ZDHHC2: variants seen among roughly 807,000 people sequenced by gnomAD.
ZDHHC2 encodes zDHHC palmitoyltransferase 2.
Under a neutral mutation model 55.6 loss-of-function variants are expected in ZDHHC2, and 51 were observed. That is an observed-to-expected ratio of 0.92 (90% CI 0.73 to 1.16). The LOEUF (loss-of-function observed/expected upper bound fraction) is 1.16, where lower values mean the gene tolerates loss of function less well. Ranked by LOEUF, ZDHHC2 falls within the 50% of genes most tolerant of loss-of-function variation. The probability of loss-of-function intolerance (pLI) is 0.00; values close to 1 mark genes in which losing one functional copy is unlikely to be tolerated. For synonymous variants in ZDHHC2, 199 were observed against 152.9 expected (o/e 1.30, Z -2.22); for missense variants, 491 against 442.4 (o/e 1.11, Z -0.99).
chr8:17,174,244 A>T (rs944433213), intron 1 of ZDHHC2, among the ~76,000 whole-genome samples: 9 of 152,070 alleles, frequency 5.9e-5, no homozygotes, highest in African/African-American at 2.2e-4. Context: ...GCATGCCACG[A>T]TGCCCTGCTA....
intron 10 of ZDHHC2, among the ~76,000 whole-genome samples, chr8:17,213,970 AT>A (rs1282041717): frequency 4.6e-5 from 7 of 152,208 alleles, no homozygotes; most frequent in Non-Finnish European, 8.8e-5. Flanking sequence ...ATATTCTAAA[AT>A]TTTAGATATG....
Position 17,221,258 on chromosome 8 carries a change from A to C in ZDHHC2, c.*1037A>C, listed in dbSNP as rs1264648052. 6.6e-6 allele frequency: 1 copy of C among 152,574 alleles called. No homozygotes were observed. Among genetic ancestry groups the C allele is most frequent in the Non-Finnish European group, 1.5e-5 (1 of 67,996 alleles). 9.5% of individuals were successfully genotyped at this position (152,574 alleles called of 1,614,324 possible). A position where few individuals can be genotyped will look rare whatever the true frequency, so the allele number is the denominator to read the frequency against. ...AAATAAAAATCATACAACTTTTGGA[A>C]AGTTAGTTCAACATGAACTAAAATG... is the stretch of plus-strand genomic sequence containing the variant. On this transcript the variant is annotated 3_prime_UTR_variant, in exon 13 of 13. Transcript: ENST00000262096.
chr8:17,164,203 C>A (rs1198697749), intron 1 of ZDHHC2, among the ~76,000 whole-genome samples: 1 of 152,096 alleles, frequency 6.6e-6, no homozygotes, highest in Non-Finnish European at 1.5e-5. Flanking sequence ...TTTATCTGGC[C>A]ATGACTTTTA....
At chr8:17,194,023 T>A (rs992636163) in intron 3 of ZDHHC2, among the ~76,000 whole-genome samples, 3 of 152,116 alleles carry the variant, frequency 2.0e-5, no homozygotes, top group African/African-American at 7.2e-5. Flanking sequence ...CAGTGTTTGG[T>A]TTTCTGTTCT....
chr8:17,173,124 G>C (rs141428630), intron 1 of ZDHHC2, among the ~76,000 whole-genome samples: 19 of 152,288 alleles, frequency 1.2e-4, no homozygotes, highest in East Asian at 3.9e-4. Context: ...CAAGAACTGA[G>C]AGAAAGCAAG....
chr8:17,197,698 T>C lies in ZDHHC2; in HGVS notation c.443+47T>C, dbSNP rs1438912175. The C allele has an allele frequency of 5.2e-6, 8 of 1,529,252 alleles. No individual in the cohort carries two copies. In the African/African-American group the frequency reaches 1.1e-4, roughly 21 times the overall value. 94.7% of individuals were successfully genotyped at this position (1,529,252 alleles called of 1,614,324 possible). ...AAAATATCTACATGCTGGTGGTCTT[T>C]TTCTTCATTATGTTTCTTTTCTCAC... On this transcript the variant is annotated intron_variant, in intron 5 of 12. Coordinates refer to ENST00000262096, the MANE Select transcript of ZDHHC2 (RefSeq NM_016353.5).
At chr8:17,198,481 C>A in intron 6 of ZDHHC2, 68 bp downstream of exon 6, 1 of 1,422,838 alleles carries the variant, frequency 7.0e-7, no homozygotes, top group Non-Finnish European at 9.5e-7. Flanking sequence ...ATCACTTATC[C>A]ATGTAAATCT....
At chr8:17,210,574 C>T in intron 10 of ZDHHC2, 94 bp downstream of exon 10, 2 of 1,078,038 alleles carry the variant, frequency 1.9e-6, no homozygotes, top group Non-Finnish European at 2.6e-6. Flanking sequence ...AAAATGAAGA[C>T]CATAAGAAAA....
intron 10 of ZDHHC2, among the ~76,000 whole-genome samples, chr8:17,212,302 A>T (rs1807425217): frequency 6.6e-6 from 1 of 152,126 alleles, no homozygotes; most frequent in Non-Finnish European, 1.5e-5. Flanking sequence ...CCTAAAAATC[A>T]TCTCCAACTA....
chr8:17,208,238 CT>C, intron 8 of ZDHHC2, 146 bp downstream of exon 8: 2 of 704,830 alleles, frequency 2.8e-6, no homozygotes. Flanking sequence ...TGATATGTCG[CT>C]TAGACACATA....
intron 6 of ZDHHC2, among the ~76,000 whole-genome samples, chr8:17,199,172 G>A (rs951988162): frequency 7.9e-5 from 12 of 152,162 alleles, no homozygotes; most frequent in Non-Finnish European, 1.5e-4. Context: ...TGAAATATAT[G>A]TAGGGAATGG....
rs1205627931 is a variant in ZDHHC2 at position 17,156,986 on chromosome 8, G to T, written c.130+133G>T. On this transcript the variant is annotated intron_variant, in intron 1 of 12. Transcript: ENST00000262096. Reference sequence around the variant, plus strand: ...GCTGCCAACCTGCCGCGTCCCGCCGGCTCCGCCGCTAAAAGCAGCCTCGGG... The same window carrying T: ...GCTGCCAACCTGCCGCGTCCCGCCGTCTCCGCCGCTAAAAGCAGCCTCGGG... 2.2e-5 allele frequency: 18 copies of T among 831,948 alleles called. No homozygotes were observed. The African/African-American group carries it at 3.1e-4, about 14-fold the overall frequency. 51.5% of individuals were successfully genotyped at this position (831,948 alleles called of 1,614,324 possible). A position where few individuals can be genotyped will look rare whatever the true frequency, so the allele number is the denominator to read the frequency against.
At chr8:17,205,582 CACTT>C (rs1211026902) in intron 6 of ZDHHC2, 69 bp from the exon 7 acceptor site, 9 of 1,425,760 alleles carry the variant, frequency 6.3e-6, no homozygotes, top group Middle Eastern at 3.7e-4. Flanking sequence ...GGAAGCTAAA[CACTT>C]GCTTGAGCAT....
chr8:17,158,337 G>A (rs770451481), intron 1 of ZDHHC2, among the ~76,000 whole-genome samples: 2 of 152,206 alleles, frequency 1.3e-5, no homozygotes, highest in Non-Finnish European at 2.9e-5. Flanking sequence ...ACAGTGACCA[G>A]TATCGATTAA....
intron 2 of ZDHHC2, among the ~76,000 whole-genome samples, chr8:17,185,181 T>G (rs1393375538): frequency 6.6e-6 from 1 of 152,246 alleles, no homozygotes; most frequent in African/African-American, 2.4e-5. Flanking sequence ...ATAATTCAAA[T>G]TTTTAATGAT....
intron 1 of ZDHHC2, among the ~76,000 whole-genome samples, chr8:17,177,117 C>A (rs1477064047): frequency 6.6e-6 from 1 of 152,128 alleles, no homozygotes; most frequent in African/African-American, 2.4e-5. Flanking sequence ...CCAATTTTGT[C>A]AAAGAATTCT....
chr8:17,183,620 G>C (rs1263946164), intron 1 of ZDHHC2, among the ~76,000 whole-genome samples: 1 of 152,170 alleles, frequency 6.6e-6, no homozygotes, highest in Non-Finnish European at 1.5e-5. Flanking sequence ...ATATTAGTTG[G>C]TGTAAACTAG....
At chr8:17,192,371 A>G (rs1806078995) in intron 3 of ZDHHC2, among the ~76,000 whole-genome samples, 1 of 152,168 alleles carries the variant, frequency 6.6e-6, no homozygotes, top group Admixed American at 6.5e-5. Context: ...TCTGATGACC[A>G]TGGATGTTGA....
intron 1 of ZDHHC2, among the ~76,000 whole-genome samples, chr8:17,159,578 T>A (rs904478846): frequency 6.6e-6 from 1 of 152,224 alleles, no homozygotes; most frequent in Admixed American, 6.5e-5. Flanking sequence ...ACAACGTGGA[T>A]GTATGTGGCT....
Sources: gnomAD v4.1 joint callset for allele counts (sites outside exome capture counted in the v4.1 genomes callset) on GRCh38, gnomAD v4.1.1 for gene constraint, MANE v1.5 for transcripts, NCBI Gene and HGNC (gene_info 2026-07-23, HGNC 2026-07-21) for gene names.